SCAPER: variants seen among roughly 807,000 people sequenced by gnomAD.
The protein encoded by SCAPER is S-phase cyclin A associated protein in the ER.
A neutral mutation model predicts 182.2 loss-of-function variants in SCAPER; 98 were observed. That is an observed-to-expected ratio of 0.54 (90% CI 0.46 to 0.64). The LOEUF (loss-of-function observed/expected upper bound fraction) is 0.64, where lower values mean the gene tolerates loss of function less well. SCAPER is among the 30% of genes least tolerant of loss of function. The pLI is 0.00. For missense variants in SCAPER, 1,432 were observed against 1,690.0 expected, an observed-to-expected ratio of 0.85 and a Z score of 2.68; for synonymous variants, 605 against 564.6, an observed-to-expected ratio of 1.07 and a Z score of -1.01.
At chr15:76,826,026 G>A (rs556212297) in intron 5 of SCAPER, among the ~76,000 whole-genome samples, 68 of 152,126 alleles carry the variant, frequency 4.5e-4, no homozygotes, top group Non-Finnish European at 8.2e-4. Flanking sequence ...GATTACAGGC[G>A]TGAGCCTCCG....
At chr15:76,558,219 A>T (rs1163568245) in intron 23 of SCAPER, among the ~76,000 whole-genome samples, 1 of 152,208 alleles carries the variant, frequency 6.6e-6, no homozygotes, top group Non-Finnish European at 1.5e-5. Context: ...GACCACCCAC[A>T]GAATGGGAGA....
intron 23 of SCAPER, among the ~76,000 whole-genome samples, chr15:76,560,334 T>C (rs1371760018): frequency 6.6e-6 from 1 of 152,242 alleles, no homozygotes; most frequent in East Asian, 1.9e-4. Flanking sequence ...CTACATGATC[T>C]ATTTGGAATT....
intron 6 of SCAPER, among the ~76,000 whole-genome samples, chr15:76,803,789 T>C (rs1304459906): frequency 1.3e-5 from 2 of 152,200 alleles, no homozygotes; most frequent in African/African-American, 4.8e-5. Flanking sequence ...CTTAATACTA[T>C]CACATTGGTG....
chr15:76,589,729 C>T (rs1441566418), intron 22 of SCAPER, among the ~76,000 whole-genome samples: 1 of 152,158 alleles, frequency 6.6e-6, no homozygotes, highest in Admixed American at 6.5e-5. Flanking sequence ...GGAATTGTTA[C>T]AAAGTTCTGC....
chr15:76,507,296 GGA>G (rs2041668232), intron 23 of SCAPER, among the ~76,000 whole-genome samples: 1 of 152,130 alleles, frequency 6.6e-6, no homozygotes, highest in Admixed American at 6.5e-5. Flanking sequence ...CATGAGCCAA[GGA>G]GAGAGGTGTC....
At chr15:76,825,697 C>G (rs1220767806) in intron 5 of SCAPER, among the ~76,000 whole-genome samples, 1 of 152,082 alleles carries the variant, frequency 6.6e-6, no homozygotes, top group African/African-American at 2.4e-5. Flanking sequence ...GAATCATAAC[C>G]TTTCCTACTA....
intron 5 of SCAPER, among the ~76,000 whole-genome samples, chr15:76,811,205 T>C (rs1215229240): frequency 6.6e-6 from 1 of 150,884 alleles, no homozygotes; most frequent in Non-Finnish European, 1.5e-5. Context: ...CACATTTTTC[T>C]CAAGTGCACA....
intron 25 of SCAPER, among the ~76,000 whole-genome samples, chr15:76,457,176 C>T (rs1447840068): frequency 6.6e-6 from 1 of 152,106 alleles, no homozygotes; most frequent in Non-Finnish European, 1.5e-5. Flanking sequence ...GATTCTCCTG[C>T]CTCGGCCTCC....
chr15:76,670,338 T>C (rs1488404430), intron 20 of SCAPER, among the ~76,000 whole-genome samples: 1 of 152,124 alleles, frequency 6.6e-6, no homozygotes, highest in African/African-American at 2.4e-5. Context: ...TAAATATATA[T>C]TCCTTCCATT....
chr15:76,732,865 TCTCTCTCTCTC>T (rs1233195248), intron 16 of SCAPER, among the ~76,000 whole-genome samples: 1 of 151,988 alleles, frequency 6.6e-6, no homozygotes, highest in Non-Finnish European at 1.5e-5. Flanking sequence ...GCGTAAGCTG[TCTCTCTCTCTC>T]CTCTCTCTCT....
At position 76,511,839 on chromosome 15, in the gene SCAPER, A is replaced by ATG. The variant is rs769062491; in HGVS notation, c.2839-6866_2839-6865insCA. 7.6e-3 allele frequency among the ~76,000 whole-genome samples: 324 copies of ATG among 42,422 alleles called. 3 individuals are homozygous for ATG. The highest frequency in any genetic ancestry group is 0.016 in the African/African-American group (282 of 17,454). 27.8% of individuals were successfully genotyped at this position (42,422 alleles called of 152,430 possible). On this transcript the variant is annotated intron_variant, in intron 23 of 31. Coordinates refer to ENST00000563290, the MANE Select transcript of SCAPER (RefSeq NM_020843.4). ...ACAAAGATACACTTATTATATATAT[A>ATG]TATATGTGTGTGTGTGTGTGTGTGT...
chr15:76,545,908 G>A (rs1055619636), intron 23 of SCAPER, among the ~76,000 whole-genome samples: 3 of 151,982 alleles, frequency 2.0e-5, no homozygotes, highest in African/African-American at 7.3e-5. Flanking sequence ...AACTCCATAA[G>A]GCAAAAAACA....
chr15:76,378,622 C>G (rs147569117), intron 28 of SCAPER, among the ~76,000 whole-genome samples: 103 of 152,222 alleles, frequency 6.8e-4, no homozygotes, highest in African/African-American at 2.3e-3. Context: ...GCTGGTGAAG[C>G]CTATGTTTCC....
chr15:76,572,912 CT>C (rs1446703757), intron 23 of SCAPER, among the ~76,000 whole-genome samples: 877 of 39,228 alleles, frequency 0.022, 6 homozygotes, highest in African/African-American at 0.037. Context: ...CTCTCTCTCT[CT>C]CTCTCTCACA....
Position 76,883,889 on chromosome 15 carries a change from A to T in SCAPER, c.-59-13T>A, listed in dbSNP as rs2073709405. On this transcript the variant is annotated splice_polypyrimidine_tract_variant and intron_variant, in intron 1 of 31. Coordinates refer to ENST00000563290, the MANE Select transcript of SCAPER (RefSeq NM_020843.4). Reference sequence around the variant, plus strand: ...TGGAGTATGACTCCTACAATAAAAAATATATATACGCTTAGTTATAACATT... The same window carrying T: ...TGGAGTATGACTCCTACAATAAAAATTATATATACGCTTAGTTATAACATT... 1.8e-6 allele frequency: 2 copies of T among 1,120,892 alleles called. No individual in the cohort carries two copies. Among genetic ancestry groups the T allele is most frequent in the Non-Finnish European group, 2.5e-6 (2 of 784,576 alleles). 69.4% of individuals were successfully genotyped at this position (1,120,892 alleles called of 1,614,324 possible). A position where few individuals can be genotyped will look rare whatever the true frequency, so the allele number is the denominator to read the frequency against.
At chr15:76,829,505 G>C (rs533799653) in intron 5 of SCAPER, among the ~76,000 whole-genome samples, 3 of 152,018 alleles carry the variant, frequency 2.0e-5, no homozygotes, top group East Asian at 3.9e-4. Flanking sequence ...TCACTATCAG[G>C]CTTCTCTTAT....
chr15:76,791,821 T>C (rs1308854222), intron 8 of SCAPER, among the ~76,000 whole-genome samples: 1 of 151,952 alleles, frequency 6.6e-6, no homozygotes. Context: ...AGCTTTTCAT[T>C]TGAGACCCCA....
intron 25 of SCAPER, among the ~76,000 whole-genome samples, chr15:76,462,160 T>C (rs1051713747): frequency 2.6e-5 from 4 of 152,166 alleles, no homozygotes; most frequent in Non-Finnish European, 5.9e-5. Flanking sequence ...AGCCAGCCCA[T>C]GTGGCACCAA....
At chr15:76,901,918 A>G (rs1236112127) in intron 1 of SCAPER, among the ~76,000 whole-genome samples, 1 of 152,100 alleles carries the variant, frequency 6.6e-6, no homozygotes, top group Non-Finnish European at 1.5e-5. Context: ...ACAGGGTTTC[A>G]CCGTGTTAGC....
Sources: allele counts gnomAD v4.1 joint callset (sites outside exome capture counted in the v4.1 genomes callset), GRCh38; gene constraint gnomAD v4.1.1; transcripts MANE v1.5; gene names NCBI Gene and HGNC (gene_info 2026-07-23, HGNC 2026-07-21).